The following ARHGAP17 variants were observed in gnomAD, a reference collection of about 807,000 sequenced individuals.
ARHGAP17 encodes rho GTPase-activating protein 17.
Under a neutral mutation model 99.5 loss-of-function variants are expected in ARHGAP17, and 57 were observed. The observed-to-expected ratio is 0.57, with a 90% CI of 0.46 to 0.71. The LOEUF is 0.71. Ranked by LOEUF, ARHGAP17 falls within the 30% of genes least tolerant of loss-of-function variation. The pLI is 0.00. For missense variants in ARHGAP17, 1,000 were observed against 1,122.4 expected (o/e 0.89, Z 1.56); for synonymous variants, 417 against 429.6 (o/e 0.97, Z 0.36).
chr16:25,015,350 C>T lies in ARHGAP17; in HGVS notation c.-89G>A. 2 of 1,162,184 alleles carry T rather than the reference C, an allele frequency of 1.7e-6. No homozygotes were observed. Among genetic ancestry groups the T allele is most frequent in the Non-Finnish European group, 2.2e-6 (2 of 929,026 alleles). The allele number at this position is 1,162,184 out of a possible 1,614,324, so 72.0% of individuals were successfully genotyped here. On this transcript the variant is annotated 5_prime_UTR_variant, in exon 1 of 20. Coordinates refer to ENST00000289968, the MANE Select transcript of ARHGAP17 (RefSeq NM_001006634.3). ...CTACTACATCGCTTCCCGGCCCAAACGGCGGCGCGGCGGTGGCTCCCCGGG... is the reference window on the plus strand; with the variant it reads ...CTACTACATCGCTTCCCGGCCCAAATGGCGGCGCGGCGGTGGCTCCCCGGG...
At chr16:25,009,560 T>A (rs557819668) in intron 1 of ARHGAP17, among the ~76,000 whole-genome samples, 90 of 152,324 alleles carry the variant, frequency 5.9e-4, no homozygotes, top group African/African-American at 2.1e-3. Flanking sequence ...AGCAGGGGAC[T>A]GTTCTGGGAT....
rs1386267805 is a variant in ARHGAP17, at chr16:24,953,047, A to G, written c.853-5T>C. 6.2e-7 allele frequency: 1 copy of G among 1,613,980 alleles called. No homozygotes were observed. The highest frequency in any genetic ancestry group is 1.1e-5 in the South Asian group (1 of 91,078). On this transcript the variant is annotated splice_polypyrimidine_tract_variant and splice_region_variant and intron_variant, in intron 10 of 19. Coordinates refer to ENST00000289968, the MANE Select transcript of ARHGAP17 (RefSeq NM_001006634.3). ...AGCCCCAATTCGGAAAAGGCCCTAA[A>G]GATAATGAAAAGCCATCAGCATCAA...
intron 7 of ARHGAP17, among the ~76,000 whole-genome samples, chr16:24,961,591 C>T (rs895220569): frequency 1.1e-4 from 14 of 126,076 alleles, no homozygotes; most frequent in Non-Finnish European, 9.4e-5. Flanking sequence ...AGTCTGGTGG[C>T]GCAATCTTGG....
intron 1 of ARHGAP17, among the ~76,000 whole-genome samples, chr16:24,996,691 T>A (rs1483310572): frequency 1.3e-5 from 2 of 152,170 alleles, no homozygotes; most frequent in Admixed American, 1.3e-4. Flanking sequence ...AATCTCTGTG[T>A]CTCCATTTCC....
At position 24,947,592 on chromosome 16, in the gene ARHGAP17, A is replaced by G. The variant is rs777127613; in HGVS notation, c.1131T>C (p.Tyr377=). 1 of 1,609,478 alleles carries G rather than the reference A, an allele frequency of 6.2e-7. No individual in the cohort carries two copies. The highest frequency in any genetic ancestry group is 8.5e-7 in the Non-Finnish European group (1 of 1,179,232). Residue 377 remains tyrosine (Y), a synonymous_variant, in exon 14 of 20, where the codon TAT becomes TAC. Transcript: ENST00000289968. Reference sequence around the variant, plus strand: ...CAAGCTTTGCAAGGAACTTGATCAAATATCTAGGGGTCAAAAGAGAAGGGG... The same window carrying G: ...CAAGCTTTGCAAGGAACTTGATCAAGTATCTAGGGGTCAAAAGAGAAGGGG... The part of the protein sequence containing the change: ...LPPQNFVNFR[Y]LIKFLAKLAQ...
At chr16:24,990,472 C>A (rs757887105) in intron 1 of ARHGAP17, among the ~76,000 whole-genome samples, 9 of 149,662 alleles carry the variant, frequency 6.0e-5, no homozygotes, top group Non-Finnish European at 1.3e-4. Context: ...GGCATCAAAG[C>A]AAGATCTTGT....
At chr16:25,001,173 G>A (rs1360081647) in intron 1 of ARHGAP17, among the ~76,000 whole-genome samples, 1 of 152,068 alleles carries the variant, frequency 6.6e-6, no homozygotes, top group Non-Finnish European at 1.5e-5. Context: ...AGCAGAAATA[G>A]AAGCACAACA....
At chr16:25,015,139 T>TGGCC in intron 1 of ARHGAP17, 70 bp downstream of exon 1, 2 of 1,195,770 alleles carry the variant, frequency 1.7e-6, no homozygotes, top group African/African-American at 3.4e-5. Context: ...GGAGGAGCCG[T>TGGCC]CCCGCCCCCG....
chr16:24,961,583 T>C (rs957207819), intron 7 of ARHGAP17, among the ~76,000 whole-genome samples: 2 of 135,814 alleles, frequency 1.5e-5, no homozygotes, highest in African/African-American at 5.4e-5. Context: ...CAGGCTGGAG[T>C]CTGGTGGCGC....
chr16:24,958,928 G>C (rs763454542), intron 9 of ARHGAP17, among the ~76,000 whole-genome samples: 1 of 151,970 alleles, frequency 6.6e-6, no homozygotes, highest in African/African-American at 2.4e-5. Flanking sequence ...AGCAATTTCT[G>C]ACTCAACAGC....
chr16:24,931,329 G>C lies in ARHGAP17; in HGVS notation c.1970C>G (p.Ser657Ter). 2 of 1,516,978 alleles carry C rather than the reference G, an allele frequency of 1.3e-6. No individual in the cohort carries two copies. The highest frequency in any genetic ancestry group is 1.8e-6 in the Non-Finnish European group (2 of 1,134,278). 94.0% of individuals were successfully genotyped at this position (1,516,978 alleles called of 1,614,324 possible). ...ACTGGGTGGATGCTGAGATGTTCCT[G>C]AAGAACTCTGGCCCCCGGGGTGGCC... The part of the protein sequence containing the change: ...PPGHPGGQSS[S>*]GTSQHPPSLS... The change falls in exon 19 of 20, where the codon TCA (serine) becomes TGA (stop). Residue 657 changes from serine to a stop codon, truncating the protein, a stop_gained. Coordinates refer to ENST00000289968, the MANE Select transcript of ARHGAP17 (RefSeq NM_001006634.3). LOFTEE classifies it high-confidence loss of function.
chr16:25,013,726 G>T (rs1048590675), intron 1 of ARHGAP17: 5 of 152,018 alleles, frequency 3.3e-5, no homozygotes, highest in Non-Finnish European at 7.3e-5. Flanking sequence ...TGTATAAAAA[G>T]AGTGAAAGTC....
At chr16:25,008,283 G>T (rs1284741217) in intron 1 of ARHGAP17, among the ~76,000 whole-genome samples, 1 of 151,970 alleles carries the variant, frequency 6.6e-6, no homozygotes, top group African/African-American at 2.4e-5. Flanking sequence ...CCATTCAGTG[G>T]GAATATATGT....
intron 1 of ARHGAP17, among the ~76,000 whole-genome samples, chr16:24,997,039 G>T (rs2053212973): frequency 5.3e-5 from 8 of 152,328 alleles, no homozygotes; most frequent in Admixed American, 5.2e-4. Context: ...ACTTCACAGG[G>T]TCTGGTGGGT....
Position 24,955,009 on chromosome 16 carries a change from CACACTT to C in ARHGAP17, c.725-285_725-280del. 1 of 389,826 alleles carries C rather than the reference CACACTT, an allele frequency of 2.6e-6. No individual in the cohort carries two copies. The highest frequency in any genetic ancestry group is 4.1e-5 in the South Asian group (1 of 24,556). The allele number at this position is 389,826 out of a possible 1,614,324, so 24.1% of individuals were successfully genotyped here. On this transcript the variant is annotated intron_variant, in intron 9 of 19. Transcript: ENST00000289968. The surrounding 1 kb of genome is among the most constrained non-coding windows in gnomAD (Gnocchi z 4.0). ...CTGCAGTGGCACGCTGCACCTGCAC[CACACTT>C]CATCAACACACGCCAGCGGGTTTAG...
chr16:24,937,364 G>A lies in ARHGAP17; in HGVS notation c.1725-1725C>T, dbSNP rs1314885012. Among the ~76,000 whole-genome samples the A allele has an allele frequency of 3.3e-5, 5 of 152,232 alleles. No individual in the cohort carries two copies. In the East Asian group the frequency reaches 7.7e-4, roughly 23 times the overall value. On this transcript the variant is annotated intron_variant, in intron 17 of 19. Coordinates refer to ENST00000289968, the MANE Select transcript of ARHGAP17 (RefSeq NM_001006634.3). ...TTGAACCCAGGAGGCAGAGGTTGCA[G>A]TGAGCCAACATTGCACCACTGCACT...
At chr16:25,006,656 T>C (rs2053515394) in intron 1 of ARHGAP17, among the ~76,000 whole-genome samples, 1 of 152,164 alleles carries the variant, frequency 6.6e-6, no homozygotes, top group Non-Finnish European at 1.5e-5. Flanking sequence ...TATGGGTCAC[T>C]GTTGCAACTA....
chr16:24,974,394 G>A (rs1332206808), intron 3 of ARHGAP17, among the ~76,000 whole-genome samples: 1 of 152,144 alleles, frequency 6.6e-6, no homozygotes, highest in South Asian at 2.1e-4. Context: ...CAACCACTGC[G>A]CTCCAGCCTG....
intron 1 of ARHGAP17, among the ~76,000 whole-genome samples, chr16:24,979,247 T>C (rs2052604458): frequency 6.6e-6 from 1 of 152,198 alleles, no homozygotes; most frequent in Admixed American, 6.5e-5. Context: ...TCCTGAGTAG[T>C]GGTTCTCAAA....
Sources: gnomAD v4.1 joint callset for allele counts (sites outside exome capture counted in the v4.1 genomes callset) on GRCh38, gnomAD v4.1.1 for gene constraint, Gnocchi (gnomAD v3.1) non-coding constraint, MANE v1.5 for transcripts, NCBI Gene and HGNC (gene_info 2026-07-23, HGNC 2026-07-21) for gene names.